SLC27A4: variants seen among roughly 807,000 people sequenced by gnomAD.
SLC27A4 encodes the protein long-chain fatty acid transport protein 4.
In SLC27A4, 33 loss-of-function variants were observed where a neutral mutation model predicts 64.4. That is an observed-to-expected ratio of 0.51 (90% CI 0.39 to 0.68). SLC27A4 has a LOEUF of 0.68. SLC27A4 is among the 30% of genes least tolerant of loss of function. The pLI, the probability that SLC27A4 is intolerant of heterozygous loss-of-function variation, is 0.00. For missense variants in SLC27A4, 824 were observed against 883.5 expected (o/e 0.93, Z 0.85); for synonymous variants, 377 against 370.0 (o/e 1.02, Z -0.22).
In SLC27A4 at chr9:128,360,401, G is replaced by A. The variant is rs774607759; in HGVS notation, c.1842G>A (p.Pro614=). Residue 614 remains proline (P), a synonymous_variant, in exon 13 of 13, where the codon CCG becomes CCA. Transcript: ENST00000300456. ...EGFDPAIVKD[P]LFYLDAQKGR... ...TTGACCCGGCTATTGTGAAAGACCCGCTGTTCTATCTAGATGCCCAGAAGG... is the reference window on the plus strand; with the variant it reads ...TTGACCCGGCTATTGTGAAAGACCCACTGTTCTATCTAGATGCCCAGAAGG... 1.1e-5 allele frequency: 18 copies of A among 1,614,024 alleles called. No individual in the cohort carries two copies. The African/African-American group carries it at 1.5e-4, about 13-fold the overall frequency.
At chr9:128,359,709 G>A (rs1832871477) in intron 12 of SLC27A4, among the ~76,000 whole-genome samples, 1 of 152,186 alleles carries the variant, frequency 6.6e-6, no homozygotes. Flanking sequence ...GGAGGCTGAG[G>A]TAGGAGGATC....
chr9:128,355,445 C>T lies in SLC27A4; in HGVS notation c.1510C>T (p.Arg504Cys), dbSNP rs770645288. ...GCTGGGCTACCTGTACTTCCGAGAC[C>T]GCACTGGGGACACGTTCCGCTGGAA... Reference protein sequence around the residue: ...DELGYLYFRDRTGDTFRWKGE... With the variant: ...DELGYLYFRDCTGDTFRWKGE... Residue 504 changes from arginine to cysteine, a missense_variant, in exon 11 of 13, where the codon CGC (arginine) becomes TGC (cysteine). Coordinates refer to ENST00000300456, the MANE Select transcript of SLC27A4 (RefSeq NM_005094.4). The T allele has an allele frequency of 1.3e-5, 21 of 1,613,678 alleles. No homozygotes were observed. Among genetic ancestry groups the T allele is most frequent in the Middle Eastern group, 3.3e-4 (2 of 6,062 alleles).
chr9:128,346,526 G>T (rs1420345268), intron 3 of SLC27A4, among the ~76,000 whole-genome samples: 7 of 151,564 alleles, frequency 4.6e-5, no homozygotes, highest in Non-Finnish European at 8.8e-5. Flanking sequence ...GAGCCACCAC[G>T]CCCGGCCTAA....
intron 12 of SLC27A4, 74 bp downstream of exon 12, chr9:128,355,870 T>A: frequency 1.3e-6 from 2 of 1,595,478 alleles, no homozygotes; most frequent in Non-Finnish European, 1.7e-6. Flanking sequence ...CCCGGTTGGC[T>A]GTTACTTGAC....
In SLC27A4 at chr9:128,355,396, A is replaced by C. The variant is rs1832802732; in HGVS notation, c.1463-2A>C. ...GCCCTGCCTCATCCGGCCCCTCCCT[A>C]GGTGATGTGCTGGTGATGGACGAGC... On this transcript the variant is annotated splice_acceptor_variant, in intron 10 of 12. Transcript: ENST00000300456. LOFTEE classifies it high-confidence loss of function. The C allele has an allele frequency of 1.2e-6, 2 of 1,612,798 alleles. No individual in the cohort carries two copies. Among genetic ancestry groups the C allele is most frequent in the Admixed American group, 3.3e-5 (2 of 59,984 alleles).
chr9:128,348,403 A>G, intron 3 of SLC27A4, 142 bp from the exon 4 acceptor site: 2 of 988,640 alleles, frequency 2.0e-6, no homozygotes, highest in Non-Finnish European at 3.2e-6. Flanking sequence ...GCCCCTGTCA[A>G]CACTGAAGGC....
chr9:128,350,635 C>CCAT lies in SLC27A4; in HGVS notation c.877+63_877+65dup. 3.1e-6 allele frequency: 4 copies of CCAT among 1,288,854 alleles called. No homozygotes were observed. In the South Asian group the frequency reaches 4.9e-5, roughly 16 times the overall value. 79.8% of individuals were successfully genotyped at this position (1,288,854 alleles called of 1,614,324 possible). Reference sequence around the variant, plus strand: ...TGCCAGGTCTCTAGGAACCCCACCCCCATCAGGCAGTGTGCTGCAGTAGAA... The same window carrying CCAT: ...TGCCAGGTCTCTAGGAACCCCACCCCCATCATCAGGCAGTGTGCTGCAGTAGAA... On this transcript the variant is annotated intron_variant, in intron 6 of 12. Coordinates refer to ENST00000300456, the MANE Select transcript of SLC27A4 (RefSeq NM_005094.4).
rs550431851 is a variant in SLC27A4 at position 128,353,480 on chromosome 9, C to T, written c.1263C>T (p.Val421=). ...SFVYPIRLVR[V]NEDTMELIRG... ...TGTACCCCATCCGGTTGGTACGTGT[C>T]AACGAGGACACCATGGAGCTGATCC... Residue 421 remains valine, a synonymous_variant, in exon 9 of 13, where the codon GTC becomes GTT. Coordinates refer to ENST00000300456, the MANE Select transcript of SLC27A4 (RefSeq NM_005094.4). This position sits in a 1 kb window ranked among gnomAD's most constrained non-coding sequence, Gnocchi z 4.9. 3.7e-6 allele frequency: 6 copies of T among 1,614,012 alleles called. No individual in the cohort carries two copies. Among genetic ancestry groups the T allele is most frequent in the Non-Finnish European group, 5.1e-6 (6 of 1,180,044 alleles).
In SLC27A4 at chr9:128,355,752, C is replaced by T. The variant is rs755547852; in HGVS notation, c.1730C>T (p.Ala577Val). The change falls in exon 12 of 13, where the codon GCG becomes GTG. Residue 577 changes from alanine to valine, a missense_variant. Physicochemically the swap from Ala to Val is moderately conservative, Grantham distance 64. Transcript: ENST00000300456. ...TTGGAGAAGGAACTGCCCCTGTATG[C>T]GCGCCCCATCTTCCTGCGCCTCCTG... ...QVLEKELPLY[A>V]RPIFLRLLPE... 10 of 1,613,746 alleles carry T rather than the reference C, an allele frequency of 6.2e-6. No homozygotes were observed. Among genetic ancestry groups the T allele is most frequent in the Middle Eastern group, 1.6e-4 (1 of 6,062 alleles).
chr9:128,352,511 G>T, intron 6 of SLC27A4, 127 bp from the exon 7 acceptor site: 2 of 767,594 alleles, frequency 2.6e-6, no homozygotes, highest in Non-Finnish European at 2.3e-6. Flanking sequence ...CCCAAGGCAG[G>T]CAGATGTGAG....
At chr9:128,359,624 C>T (rs1832870374) in intron 12 of SLC27A4, among the ~76,000 whole-genome samples, 2 of 151,934 alleles carry the variant, frequency 1.3e-5, no homozygotes, top group Admixed American at 1.3e-4. Context: ...GACTCCGTCT[C>T]CAATAAAGAA....
In SLC27A4 at chr9:128,360,951, C is replaced by A; in HGVS notation, c.*460C>A. The A allele has an allele frequency of 2.0e-5, 4 of 201,922 alleles. No individual in the cohort carries two copies. The highest frequency in any genetic ancestry group is 1.1e-4 in the Admixed American group (2 of 18,870). 12.5% of individuals were successfully genotyped at this position (201,922 alleles called of 1,614,324 possible). On this transcript the variant is annotated 3_prime_UTR_variant, in exon 13 of 13. Coordinates refer to ENST00000300456, the MANE Select transcript of SLC27A4 (RefSeq NM_005094.4). ...CCCAGAGCTGCCCAAGTTCACTGGG[C>A]TCCACCCCCACCTCCAGGAGGGGAG...
intron 2 of SLC27A4, among the ~76,000 whole-genome samples, chr9:128,344,866 C>G (rs1832629650): frequency 6.6e-6 from 1 of 152,112 alleles, no homozygotes. Flanking sequence ...GCCTAGAGTT[C>G]AAATCTCAGC....
chr9:128,342,181 A>C (rs1264220879), intron 1 of SLC27A4: 2 of 1,451,280 alleles, frequency 1.4e-6, no homozygotes, highest in Admixed American at 1.7e-5. Flanking sequence ...CACTGCGCAG[A>C]CCAGACTTCG....
Position 128,343,004 on chromosome 9 carries a change from A to G in SLC27A4, c.-6-123A>G, listed in dbSNP as rs576378389. On this transcript the variant is annotated intron_variant, in intron 1 of 12. Coordinates refer to ENST00000300456, the MANE Select transcript of SLC27A4 (RefSeq NM_005094.4). Reference sequence around the variant, plus strand: ...ACCCCTGTGGTCAGTCACCCAACTCAGTATGGCTAAGCCTTACCACAGGCT... The same window carrying G: ...ACCCCTGTGGTCAGTCACCCAACTCGGTATGGCTAAGCCTTACCACAGGCT... 9.4e-5 allele frequency: 121 copies of G among 1,283,430 alleles called. 2 individuals are homozygous for G. The African/African-American group carries it at 1.6e-3, about 17-fold the overall frequency. 79.5% of individuals were successfully genotyped at this position (1,283,430 alleles called of 1,614,324 possible).
chr9:128,350,592 C>G lies in SLC27A4; in HGVS notation c.877+17C>G, dbSNP rs759947816. On this transcript the variant is annotated intron_variant, in intron 6 of 12. Transcript: ENST00000300456. Reference sequence around the variant, plus strand: ...ACTCAGCAGGTAACTCTAGGGCTGTCACACAGCCTCCAGCACCTGCCAGGT... The same window carrying G: ...ACTCAGCAGGTAACTCTAGGGCTGTGACACAGCCTCCAGCACCTGCCAGGT... The G allele has an allele frequency of 2.5e-5, 39 of 1,586,238 alleles. No homozygotes were observed. Among genetic ancestry groups the G allele is most frequent in the Middle Eastern group, 1.7e-4 (1 of 6,042 alleles).
At chr9:128,347,600 G>A (rs1393653078) in intron 3 of SLC27A4, among the ~76,000 whole-genome samples, 1 of 151,512 alleles carries the variant, frequency 6.6e-6, no homozygotes, top group Non-Finnish European at 1.5e-5. Flanking sequence ...GGTGGCACAC[G>A]CCTGTAATCT....
In SLC27A4 at chr9:128,345,505, C is replaced by T; in HGVS notation, c.512C>T (p.Thr171Ile). The part of the protein sequence containing the change: ...RRDALLHCLT[T>I]SRARALVFGS... ...GATGCTCTGCTCCACTGCCTCACCACCTCGCGCGCACGGGCCCTTGTCTTT... is the reference window on the plus strand; with the variant it reads ...GATGCTCTGCTCCACTGCCTCACCATCTCGCGCGCACGGGCCCTTGTCTTT... Residue 171 changes from threonine to isoleucine, a missense_variant, in exon 3 of 13, where the codon ACC becomes ATC. Thr to Ile is a moderately conservative substitution (Grantham distance 89). Transcript: ENST00000300456. This position sits in a 1 kb window ranked among gnomAD's most constrained non-coding sequence, Gnocchi z 4.1. 1 of 1,611,014 alleles carries T rather than the reference C, an allele frequency of 6.2e-7. No individual in the cohort carries two copies. The highest frequency in any genetic ancestry group is 8.5e-7 in the Non-Finnish European group (1 of 1,179,058).
At chr9:128,344,694 C>T (rs1191559319) in intron 2 of SLC27A4, among the ~76,000 whole-genome samples, 1 of 152,112 alleles carries the variant, frequency 6.6e-6, no homozygotes, top group African/African-American at 2.4e-5. Flanking sequence ...CCAGCAAACT[C>T]ATTCATTATT....
Sources: gnomAD v4.1 joint callset for allele counts (sites outside exome capture counted in the v4.1 genomes callset) on GRCh38, gnomAD v4.1.1 for gene constraint, Gnocchi (gnomAD v3.1) non-coding constraint, MANE v1.5 for transcripts, NCBI Gene and HGNC (gene_info 2026-07-23, HGNC 2026-07-21) for gene names.